Variants in ANKRD33B observed in about 807,000 individuals in gnomAD.
The protein encoded by ANKRD33B is ankyrin repeat domain 33B.
In ANKRD33B, 6 loss-of-function variants were observed where a neutral mutation model predicts 21.5. The observed-to-expected ratio is 0.28, with a 90% CI of 0.15 to 0.55. The LOEUF is 0.55. ANKRD33B is among the 20% of genes least tolerant of loss of function. The pLI is 0.94. For missense variants in ANKRD33B, 698 were observed against 747.2 expected (o/e 0.93, Z 0.77); for synonymous variants, 347 against 342.4 (o/e 1.01, Z -0.15).
intron 1 of ANKRD33B, among the ~76,000 whole-genome samples, chr5:10,595,969 A>G (rs961661405): frequency 1.3e-5 from 2 of 152,202 alleles, no homozygotes; most frequent in South Asian, 2.1e-4. Flanking sequence ...CAAAAGTGAA[A>G]CTGCCTTCGC....
intron 1 of ANKRD33B, among the ~76,000 whole-genome samples, chr5:10,597,081 C>T (rs549765519): frequency 9.9e-5 from 15 of 152,138 alleles, no homozygotes; most frequent in Admixed American, 3.3e-4. Flanking sequence ...ACACTCCCAG[C>T]CACAACACAC....
chr5:10,613,990 CGTGTGTGTGTGTGTGTGT>C (rs59864065), intron 1 of ANKRD33B, among the ~76,000 whole-genome samples: 8 of 141,288 alleles, frequency 5.7e-5, no homozygotes, highest in African/African-American at 2.2e-4. Flanking sequence ...CCAGAGAAAT[CGTGTGTGTGTGTGTGTGT>C]GTGTGTGTGT....
rs1348858955 is a variant in ANKRD33B at position 10,651,339 on chromosome 5, T to C, written c.*1226T>C. 6.6e-5 allele frequency: 10 copies of C among 151,916 alleles called. No homozygotes were observed. The highest frequency in any genetic ancestry group is 2.0e-4 in the Admixed American group (3 of 15,242). 9.4% of individuals were successfully genotyped at this position (151,916 alleles called of 1,614,324 possible). A position where few individuals can be genotyped will look rare whatever the true frequency, so the allele number is the denominator to read the frequency against. ...GGCCTTGGGCAGGGCAGGGCATGGG[T>C]GTGATTTGCCTTGGGCCACAAGCTC... On this transcript the variant is annotated 3_prime_UTR_variant, in exon 4 of 4. Coordinates refer to ENST00000296657, the MANE Select transcript of ANKRD33B (RefSeq NM_001164440.2).
chr5:10,611,953 G>GC (rs914918345), intron 1 of ANKRD33B, among the ~76,000 whole-genome samples: 1 of 152,164 alleles, frequency 6.6e-6, no homozygotes, highest in Non-Finnish European at 1.5e-5. Context: ...TTCTCTACAG[G>GC]CCACATGTGT....
In ANKRD33B at chr5:10,650,044, G is replaced by A. The variant is rs781293110; in HGVS notation, c.1416G>A (p.Glu472=). The A allele has an allele frequency of 5.9e-6, 9 of 1,531,410 alleles. No individual in the cohort carries two copies. The highest frequency in any genetic ancestry group is 7.9e-6 in the Non-Finnish European group (9 of 1,143,872). The allele number at this position is 1,531,410 out of a possible 1,614,324, so 94.9% of individuals were successfully genotyped here. ...AGGAGGAGAAGAGGAAGGCAGAGGA[G>A]GCCGAAAAGAAGCGCCAGGCCGAGG... ...EAKEEKRKAE[E]AEKKRQAEAQ... The change falls in exon 4 of 4, where the codon GAG becomes GAA. Residue 472 remains glutamate, a synonymous_variant. Transcript: ENST00000296657.
At chr5:10,593,022 C>G (rs1735730135) in intron 1 of ANKRD33B, among the ~76,000 whole-genome samples, 1 of 152,130 alleles carries the variant, frequency 6.6e-6, no homozygotes, top group Non-Finnish European at 1.5e-5. Flanking sequence ...TAGGTAAGGA[C>G]CTTCCTAACC....
At chr5:10,571,212 T>A (rs1735180052) in intron 1 of ANKRD33B, among the ~76,000 whole-genome samples, 1 of 152,156 alleles carries the variant, frequency 6.6e-6, no homozygotes, top group Non-Finnish European at 1.5e-5. Flanking sequence ...TTTATTTATT[T>A]ATTTTTTTGA....
At chr5:10,594,988 G>C (rs566586776) in intron 1 of ANKRD33B, among the ~76,000 whole-genome samples, 1 of 152,292 alleles carries the variant, frequency 6.6e-6, no homozygotes, top group East Asian at 1.9e-4. Context: ...GACCCAGCAG[G>C]GCCAGTCCTG....
intron 2 of ANKRD33B, among the ~76,000 whole-genome samples, chr5:10,621,004 C>CT (rs1299679492): frequency 2.0e-5 from 3 of 152,098 alleles, no homozygotes; most frequent in Admixed American, 2.0e-4. Context: ...TAGCCCCACC[C>CT]TTTTTTTGGT....
intron 1 of ANKRD33B, among the ~76,000 whole-genome samples, chr5:10,599,925 G>C (rs907009494): frequency 2.6e-5 from 4 of 152,226 alleles, no homozygotes; most frequent in African/African-American, 9.6e-5. Context: ...TTCCACAGTG[G>C]CTGCACCACA....
At position 10,564,432 on chromosome 5, in the gene ANKRD33B, G is replaced by T. The variant is rs1181067355; in HGVS notation, c.-36G>T. The T allele has an allele frequency of 9.6e-7, 1 of 1,046,022 alleles. No homozygotes were observed. Among genetic ancestry groups the T allele is most frequent in the Non-Finnish European group, 1.1e-6 (1 of 871,044 alleles). The allele number at this position is 1,046,022 out of a possible 1,614,324, so 64.8% of individuals were successfully genotyped here. ...GCCCCGCGTCCCGCTCTTCCTGCCCGCGCCCCGGCCCCCGGCCCGCGCCCC... is the reference window on the plus strand; with the variant it reads ...GCCCCGCGTCCCGCTCTTCCTGCCCTCGCCCCGGCCCCCGGCCCGCGCCCC... On this transcript the variant is annotated 5_prime_UTR_variant, in exon 1 of 4. Transcript: ENST00000296657.
chr5:10,634,140 A>G (rs1461305091), intron 2 of ANKRD33B, among the ~76,000 whole-genome samples: 1 of 152,212 alleles, frequency 6.6e-6, no homozygotes, highest in Non-Finnish European at 1.5e-5. Context: ...CATTTTACAG[A>G]TATGGAAAAG....
intron 1 of ANKRD33B, among the ~76,000 whole-genome samples, chr5:10,587,749 G>A (rs1329484204): frequency 6.6e-6 from 1 of 152,036 alleles, no homozygotes; most frequent in Non-Finnish European, 1.5e-5. Flanking sequence ...AAAGTTTTGA[G>A]TCCTGGTTTA....
intron 2 of ANKRD33B, among the ~76,000 whole-genome samples, chr5:10,633,390 C>A (rs904750294): frequency 2.0e-4 from 30 of 152,092 alleles, no homozygotes; most frequent in South Asian, 2.1e-4. Flanking sequence ...TGCGCCACTG[C>A]GCCAAGCCTA....
chr5:10,636,604 G>C (rs953724987), intron 2 of ANKRD33B, among the ~76,000 whole-genome samples: 4 of 152,192 alleles, frequency 2.6e-5, no homozygotes, highest in African/African-American at 9.6e-5. Flanking sequence ...GTGACAAAGA[G>C]AGACTCCATC....
chr5:10,574,860 G>GGGTGGAT (rs1560960580), intron 1 of ANKRD33B, among the ~76,000 whole-genome samples: 2 of 77,924 alleles, frequency 2.6e-5, no homozygotes, highest in African/African-American at 3.4e-5. Flanking sequence ...CGGGAGAGCT[G>GGGTGGAT]CTTAAGGCCA....
At chr5:10,620,693 A>G (rs1447873232) in intron 2 of ANKRD33B, among the ~76,000 whole-genome samples, 1 of 152,216 alleles carries the variant, frequency 6.6e-6, no homozygotes, top group Non-Finnish European at 1.5e-5. Flanking sequence ...TCAGGAGCAC[A>G]TCGTATATTT....
chr5:10,640,924 C>T (rs1259394640), intron 3 of ANKRD33B, among the ~76,000 whole-genome samples: 5 of 152,378 alleles, frequency 3.3e-5, no homozygotes, highest in African/African-American at 9.6e-5. Context: ...CCCTCAAACC[C>T]TCTTTCATAA....
intron 1 of ANKRD33B, among the ~76,000 whole-genome samples, chr5:10,591,209 T>TTTTTTTTTTG (rs1735680864): frequency 2.0e-5 from 3 of 148,302 alleles, no homozygotes; most frequent in Non-Finnish European, 3.0e-5. Flanking sequence ...TTTTTTTTTT[T>TTTTTTTTTTG]TGAGATGGAG....
Sources: allele counts gnomAD v4.1 joint callset (sites outside exome capture counted in the v4.1 genomes callset), GRCh38; gene constraint gnomAD v4.1.1; transcripts MANE v1.5; gene names NCBI Gene and HGNC (gene_info 2026-07-23, HGNC 2026-07-21).